Variants in KCNAB2 observed in about 807,000 individuals in gnomAD.
KCNAB2 encodes the protein potassium voltage-gated channel subfamily A regulatory beta subunit 2.
In KCNAB2, 29 loss-of-function variants were observed where a neutral mutation model predicts 63.6. The observed-to-expected ratio is 0.46, with a 90% CI of 0.34 to 0.62. The LOEUF is 0.62. Among genes scored for constraint, KCNAB2 ranks in the 20% least tolerant of loss-of-function variants. The pLI, the probability that KCNAB2 is intolerant of heterozygous loss-of-function variation, is 0.01. For missense variants in KCNAB2, 359 were observed against 563.9 expected (o/e 0.64, Z 3.68); for synonymous variants, 222 against 224.2 (o/e 0.99, Z 0.09).
chr1:6,072,672 G>A (rs1240477677), intron 2 of KCNAB2, 83 bp from the exon 3 acceptor site: 7 of 1,442,850 alleles, frequency 4.9e-6, no homozygotes, highest in Middle Eastern at 1.7e-4. Context: ...GGAGTGGGTG[G>A]GGGGCTGGCC....
At chr1:6,013,393 A>G (rs1570859396) in intron 1 of KCNAB2, among the ~76,000 whole-genome samples, 1 of 152,138 alleles carries the variant, frequency 6.6e-6, no homozygotes, top group African/African-American at 2.4e-5. Context: ...AGGAACCCCA[A>G]GGAACAGCAT....
chr1:6,044,313 G>C (rs1660744144), upstream of KCNAB2, among the ~76,000 whole-genome samples: 1 of 152,210 alleles, frequency 6.6e-6, no homozygotes, highest in Non-Finnish European at 1.5e-5. Context: ...CACGTCACAG[G>C]AGAAGCCCAA....
rs1665938356 is a variant in KCNAB2, at chr1:6,100,169, GGCCT to G, written c.*1597_*1600del. The G allele has an allele frequency of 7.7e-7, 1 of 1,299,160 alleles. No individual in the cohort carries two copies. The highest frequency in any genetic ancestry group is 1.5e-5 in the African/African-American group (1 of 66,984). 80.5% of individuals were successfully genotyped at this position (1,299,160 alleles called of 1,614,324 possible). On this transcript the variant is annotated 3_prime_UTR_variant, in exon 16 of 16. Transcript: ENST00000378083. ...TGCTGTCCAGTCCTGGCCGGGCCAA[GGCCT>G]GGGAAACTGTGAAAGTCAGAAAGGC...
At chr1:6,042,007 T>C (rs1660539183), upstream of KCNAB2, 10 of 744,168 alleles carry the variant, frequency 1.3e-5, no homozygotes, top group African/African-American at 3.5e-5. Flanking sequence ...CAGGCTCTGC[T>C]CATCACCCTC....
At chr1:6,089,199 C>G in intron 8 of KCNAB2, 148 bp downstream of exon 8, 2 of 866,526 alleles carry the variant, frequency 2.3e-6, no homozygotes, top group Non-Finnish European at 1.8e-6. Flanking sequence ...CTGACCTTCT[C>G]CTTCCACCCA....
At chr1:6,031,234 C>A (rs528039092), upstream of KCNAB2, among the ~76,000 whole-genome samples, 20 of 152,278 alleles carry the variant, frequency 1.3e-4, no homozygotes, top group Middle Eastern at 3.4e-3. The surrounding 1 kb of genome is among the most constrained non-coding windows in gnomAD (Gnocchi z 4.1). Flanking sequence ...CCTTCTCTCA[C>A]CTGGGTGCAC....
At position 6,007,201 on chromosome 1, in the gene KCNAB2, T is replaced by TGGG. The variant is rs34064079; in HGVS notation, c.-53+14419_-53+14421dup. Among the ~76,000 whole-genome samples, 263 of 151,836 alleles carry TGGG rather than the reference T, an allele frequency of 1.7e-3. 1 individual carries two copies. Among genetic ancestry groups the TGGG allele is most frequent in the Non-Finnish European group, 3.1e-3 (209 of 67,918 alleles). ...CGGGCCTCCCTGCCCAGTCACTGCA[T>TGGG]GGGGGGGGCTCAGCTCCTGGGTGTG... On this transcript the variant is annotated intron_variant, in intron 1 of 16. Coordinates refer to the KCNAB2 transcript ENST00000341524.
rs574556316 is a variant in KCNAB2, at chr1:6,011,112, C to G, written c.-53+18324C>G. Among the ~76,000 whole-genome samples the G allele has an allele frequency of 9.2e-5, 14 of 152,376 alleles. No individual in the cohort carries two copies. In the South Asian group the frequency reaches 2.9e-3, roughly 32 times the overall value. On this transcript the variant is annotated intron_variant, in intron 1 of 16. Transcript: ENST00000341524. ...CTGGGACTCAGCCACACATTGGCCC[C>G]TGAGGCAGATGAAGTCCCCAGCAGA...
chr1:6,044,970 C>T (rs1410816137), upstream of KCNAB2, among the ~76,000 whole-genome samples: 6 of 152,196 alleles, frequency 3.9e-5, no homozygotes, highest in Non-Finnish European at 8.8e-5. Context: ...CAGCTACCAC[C>T]CAGTAGTGAG....
chr1:6,017,926 T>C (rs2250582), intron 1 of KCNAB2, among the ~76,000 whole-genome samples: 64,825 of 151,844 alleles, frequency 0.43, 14,153 homozygotes, highest in East Asian at 0.6. Context: ...AAAAAAATTT[T>C]TTTTTAGACA....
intron 1 of KCNAB2, among the ~76,000 whole-genome samples, chr1:6,000,750 G>A (rs1408142588): frequency 6.6e-6 from 1 of 152,182 alleles, no homozygotes; most frequent in East Asian, 1.9e-4. Flanking sequence ...TAGCACCTGG[G>A]GGTCCTGGTG....
chr1:6,098,550 C>T lies in KCNAB2; in HGVS notation c.1224C>T (p.Tyr408=), dbSNP rs1665836307. 2 of 1,613,932 alleles carry T rather than the reference C, an allele frequency of 1.2e-6. No individual in the cohort carries two copies. The highest frequency in any genetic ancestry group is 3.3e-5 in the Admixed American group (2 of 59,996). ...EIDSILGNKP[Y]SKKDYRS ...ATAGTATTTTGGGCAATAAACCCTA[C>T]AGCAAAAAGGACTACAGATCCTAAG... The change falls in exon 16 of 16, where the codon TAC becomes TAT. Residue 408 remains tyrosine (Y), a synonymous_variant. Transcript: ENST00000378083.
intron 10 of KCNAB2, among the ~76,000 whole-genome samples, 165 bp from the exon 11 acceptor site, chr1:6,094,234 AC>A (rs1040202219): frequency 6.6e-6 from 1 of 151,474 alleles, no homozygotes; most frequent in Non-Finnish European, 1.5e-5. Context: ...ATCCCAAAAA[AC>A]CCCTCCCACA....
intron 4 of KCNAB2, among the ~76,000 whole-genome samples, chr1:6,076,557 G>T (rs1028584359): frequency 3.9e-5 from 6 of 152,326 alleles, no homozygotes; most frequent in African/African-American, 1.4e-4. Context: ...TATCAACCCA[G>T]GGAGGCAGGT....
Position 6,040,622 on chromosome 1 carries a change from G to A in KCNAB2, c.54G>A (p.Thr18=), listed in dbSNP as rs201737295. Residue 18 remains threonine, a synonymous_variant, in exon 2 of 16, where the codon ACG becomes ACA. Transcript: ENST00000164247. The stretch of plus-strand genomic sequence containing the variant: ...CGGCTCGGCTCTCGCTGCGGCAGAC[G>A]GGCTCCCCCGGGATGATCTACAGGT... 1.8e-5 allele frequency: 29 copies of A among 1,613,884 alleles called. No homozygotes were observed. The South Asian group carries it at 2.2e-4, about 12-fold the overall frequency.
intron 7 of KCNAB2, 77 bp from the exon 8 acceptor site, chr1:6,088,931 C>T: frequency 7.3e-7 from 1 of 1,364,652 alleles, no homozygotes; most frequent in South Asian, 1.3e-5. Flanking sequence ...TCTAACATTG[C>T]ATCGTAAACG....
Position 6,086,230 on chromosome 1 carries a change from C to T in KCNAB2, c.425+982C>T, listed in dbSNP as rs1292770052. 5.1e-6 allele frequency: 5 copies of T among 985,112 alleles called. No individual in the cohort carries two copies. Among genetic ancestry groups the T allele is most frequent in the Non-Finnish European group, 4.8e-6 (4 of 829,748 alleles). The allele number at this position is 985,112 out of a possible 1,614,324, so 61.0% of individuals were successfully genotyped here. A position where few individuals can be genotyped will look rare whatever the true frequency, so the allele number is the denominator to read the frequency against. On this transcript the variant is annotated intron_variant, in intron 6 of 15. Coordinates refer to ENST00000378083, the MANE Select transcript of KCNAB2 (RefSeq NM_001199862.2). The surrounding 1 kb of genome is among the most constrained non-coding windows in gnomAD (Gnocchi z 4.2). ...CGAAATGCCACTCAGAATCCCAGTGCCAAGGGGAGCCCCCGCCCCCTCCCC... is the reference window on the plus strand; with the variant it reads ...CGAAATGCCACTCAGAATCCCAGTGTCAAGGGGAGCCCCCGCCCCCTCCCC...
At chr1:6,011,043 C>T (rs1184235360) in intron 1 of KCNAB2, among the ~76,000 whole-genome samples, 4 of 152,212 alleles carry the variant, frequency 2.6e-5, no homozygotes, top group Admixed American at 2.0e-4. Context: ...TGTTGCCCAC[C>T]ACCAGGACGA....
chr1:6,081,325 G>A lies in KCNAB2; in HGVS notation c.301-870G>A, dbSNP rs151180384. On this transcript the variant is annotated intron_variant, in intron 4 of 15. Transcript: ENST00000378083. ...ACCCACCATGCACCAGCTGTGGGAT[G>A]TCAGTTGCTCCATCTACAAAAATAA... 4.9e-4 allele frequency among the ~76,000 whole-genome samples: 75 copies of A among 152,366 alleles called. No individual in the cohort carries two copies. The Middle Eastern group carries it at 0.01, about 21-fold the overall frequency.
Sources: gnomAD v4.1 joint callset for allele counts (sites outside exome capture counted in the v4.1 genomes callset) on GRCh38, gnomAD v4.1.1 for gene constraint, Gnocchi (gnomAD v3.1) non-coding constraint, MANE v1.5 for transcripts, NCBI Gene and HGNC (gene_info 2026-07-23, HGNC 2026-07-21) for gene names.